The following CDH2 variants were observed in gnomAD, a reference collection of about 807,000 sequenced individuals.
CDH2 encodes cadherin 2, also known as cadherin-2.
CDH2 carries 17 observed loss-of-function variants against 92.0 expected under a neutral mutation model. The ratio of observed to expected loss-of-function variants is 0.18; its 90% CI spans 0.13 to 0.28. The LOEUF (loss-of-function observed/expected upper bound fraction) is 0.28. Among genes scored for constraint, CDH2 ranks in the 10% least tolerant of loss-of-function variants. The pLI is 1.00. For synonymous variants in CDH2, 419 were observed against 415.9 expected (o/e 1.01, Z -0.09); for missense variants, 862 against 1,133.1 (o/e 0.76, Z 3.44).
intron 2 of CDH2, among the ~76,000 whole-genome samples, chr18:28,043,484 ATATATATATAAATATAT>A (rs1250718400): frequency 1.3e-5 from 1 of 76,444 alleles, no homozygotes. Flanking sequence ...ATATATATAT[ATATATATATAAATATAT>A]ATATATATAT....
intron 15 of CDH2, among the ~76,000 whole-genome samples, chr18:27,955,446 GA>G (rs1172775397): frequency 6.8e-6 from 1 of 148,132 alleles, no homozygotes; most frequent in Non-Finnish European, 1.5e-5. Flanking sequence ...AAATTAGCCC[GA>G]AAGGGTCAAT....
At chr18:27,944,620 G>A (rs1290025233) in intron 6 of CDH2, among the ~76,000 whole-genome samples, 1 of 151,782 alleles carries the variant, frequency 6.6e-6, no homozygotes, top group African/African-American at 2.4e-5. Context: ...TCCAAGAGTG[G>A]GCACTTAAAA....
chr18:28,049,246 G>A (rs972961974), intron 2 of CDH2, among the ~76,000 whole-genome samples: 2 of 152,158 alleles, frequency 1.3e-5, no homozygotes, highest in African/African-American at 2.4e-5. Context: ...GCAAAGGTGA[G>A]TGCATTTCAA....
chr18:28,121,304 C>T (rs972426658), intron 2 of CDH2, among the ~76,000 whole-genome samples: 1 of 152,134 alleles, frequency 6.6e-6, no homozygotes, highest in Non-Finnish European at 1.5e-5. Context: ...TTAAACTACT[C>T]TCAAAGGGCC....
chr18:27,955,336 C>A (rs563560175), intron 15 of CDH2, among the ~76,000 whole-genome samples: 3 of 140,758 alleles, frequency 2.1e-5, no homozygotes, highest in Non-Finnish European at 3.0e-5. Context: ...CTGCACATTC[C>A]GCACATGTAT....
intron 2 of CDH2, among the ~76,000 whole-genome samples, chr18:28,134,791 G>A (rs527497978): frequency 2.6e-5 from 4 of 152,322 alleles, no homozygotes; most frequent in South Asian, 4.1e-4. Context: ...ACACCTCAGA[G>A]AAACCAAGCA....
chr18:28,060,406 C>A (rs901453310), intron 2 of CDH2, among the ~76,000 whole-genome samples: 3 of 152,118 alleles, frequency 2.0e-5, no homozygotes, highest in Non-Finnish European at 2.9e-5. Context: ...AGGCTGGTCT[C>A]GAGCTCCTGA....
chr18:28,090,612 T>A (rs2015019379), intron 2 of CDH2, among the ~76,000 whole-genome samples: 1 of 152,198 alleles, frequency 6.6e-6, no homozygotes, highest in African/African-American at 2.4e-5. Flanking sequence ...GTCATCTCTG[T>A]GTATGTTTAT....
downstream of CDH2, chr18:27,950,951 A>T (rs1271345615): frequency 6.6e-6 from 1 of 152,590 alleles, no homozygotes; most frequent in East Asian, 1.9e-4. Flanking sequence ...GAAAAGAAAA[A>T]GTTCAAACCA....
At chr18:27,975,781 A>C (rs1222506051) in intron 14 of CDH2, among the ~76,000 whole-genome samples, 2 of 152,306 alleles carry the variant, frequency 1.3e-5, no homozygotes, top group African/African-American at 4.8e-5. Flanking sequence ...GTACCCAAGA[A>C]GAATGAGGTC....
At chr18:28,004,416 A>C (rs2012855020) in intron 6 of CDH2, among the ~76,000 whole-genome samples, 1 of 152,246 alleles carries the variant, frequency 6.6e-6, no homozygotes, top group African/African-American at 2.4e-5. Context: ...CTTGCCTAGA[A>C]GGATGTTTTC....
At chr18:27,994,377 T>A (rs1329756307) in intron 7 of CDH2, among the ~76,000 whole-genome samples, 1 of 152,240 alleles carries the variant, frequency 6.6e-6, no homozygotes, top group Admixed American at 6.5e-5. Context: ...TACATGTAGA[T>A]GATTATTATT....
chr18:27,960,211 G>A (rs1345007523), intron 15 of CDH2, among the ~76,000 whole-genome samples: 2 of 151,948 alleles, frequency 1.3e-5, no homozygotes, highest in African/African-American at 2.4e-5. Context: ...AGGCAGGATG[G>A]AACCATGGGA....
At chr18:27,990,057 A>G in intron 10 of CDH2, 40 bp downstream of exon 10, 1 of 1,588,704 alleles carries the variant, frequency 6.3e-7, no homozygotes, top group Non-Finnish European at 8.6e-7. Flanking sequence ...AGCATAGAAC[A>G]TAAGTAAGCT....
chr18:28,065,319 A>T (rs2014486171), intron 2 of CDH2, among the ~76,000 whole-genome samples: 1 of 152,176 alleles, frequency 6.6e-6, no homozygotes, highest in Non-Finnish European at 1.5e-5. Flanking sequence ...CCTATACAAC[A>T]TAACACTCGT....
At chr18:28,070,828 C>T (rs778930494) in intron 2 of CDH2, among the ~76,000 whole-genome samples, 4 of 152,116 alleles carry the variant, frequency 2.6e-5, no homozygotes, top group Admixed American at 6.6e-5. Flanking sequence ...TGTCACACCA[C>T]GAATCATGAG....
intron 10 of CDH2, among the ~76,000 whole-genome samples, chr18:27,989,462 A>C (rs1034383840): frequency 6.6e-6 from 1 of 152,206 alleles, no homozygotes; most frequent in African/African-American, 2.4e-5. Flanking sequence ...AACAATAGAA[A>C]GTTATCTTTT....
intron 1 of CDH2, among the ~76,000 whole-genome samples, chr18:28,173,939 A>T (rs911438357): frequency 6.6e-6 from 1 of 152,180 alleles, no homozygotes; most frequent in Non-Finnish European, 1.5e-5. Context: ...TGAATGCTCA[A>T]ATTCGGATTT....
chr18:28,153,216 C>T lies in CDH2; in HGVS notation c.61-5432G>A, dbSNP rs17536696. 4.2e-3 allele frequency among the ~76,000 whole-genome samples: 636 copies of T among 152,210 alleles called. 4 individuals are homozygous for T. The highest frequency in any genetic ancestry group is 0.015 in the African/African-American group (604 of 41,518). ...AGGCAAAAGGTACAGCAGAACAAAGCCCCTGGTGATTTATGTTGAGCTTGT... is the reference window on the plus strand; with the variant it reads ...AGGCAAAAGGTACAGCAGAACAAAGTCCCTGGTGATTTATGTTGAGCTTGT... On this transcript the variant is annotated intron_variant, in intron 1 of 15. Transcript: ENST00000269141.
Sources: gnomAD v4.1 joint callset for allele counts (sites outside exome capture counted in the v4.1 genomes callset) on GRCh38, gnomAD v4.1.1 for gene constraint, MANE v1.5 for transcripts, NCBI Gene and HGNC (gene_info 2026-07-23, HGNC 2026-07-21) for gene names.